Variants in GRID1 observed in about 807,000 individuals in gnomAD.
GRID1 encodes glutamate ionotropic receptor delta type subunit 1, also known as glutamate receptor ionotropic, delta-1.
In GRID1, 28 loss-of-function variants were observed where a neutral mutation model predicts 98.0. The ratio of observed to expected loss-of-function variants is 0.29; its 90% CI spans 0.21 to 0.39. The LOEUF (loss-of-function observed/expected upper bound fraction) is 0.39. GRID1 is among the 10% of genes least tolerant of loss of function. The pLI, the probability that GRID1 is intolerant of heterozygous loss-of-function variation, is 1.00. For synonymous variants in GRID1, 553 were observed against 538.5 expected (o/e 1.03, Z -0.37); for missense variants, 1,111 against 1,340.5 (o/e 0.83, Z 2.67).
rs1340062617 is a variant in GRID1 at position 85,994,656 on chromosome 10, G to A, written c.727-78417C>T. On this transcript the variant is annotated intron_variant, in intron 4 of 15. Coordinates refer to ENST00000327946, the MANE Select transcript of GRID1 (RefSeq NM_017551.3). The stretch of plus-strand genomic sequence containing the variant: ...TGTTAGATACTCAGCACGTGATTAC[G>A]CAGTTGTGGCAGTGGACAGAATGCT... 2.0e-5 allele frequency among the ~76,000 whole-genome samples: 3 copies of A among 152,168 alleles called. No homozygotes were observed. The East Asian group carries it at 5.8e-4, about 29-fold the overall frequency.
intron 2 of GRID1, among the ~76,000 whole-genome samples, chr10:86,339,132 GT>G (rs1411056771): frequency 3.3e-5 from 5 of 152,194 alleles, no homozygotes; most frequent in Non-Finnish European, 5.9e-5. Flanking sequence ...ACAGTGCCTG[GT>G]GCCTGGCCCA....
chr10:86,116,572 T>C (rs1242578692), intron 4 of GRID1, among the ~76,000 whole-genome samples: 1 of 152,202 alleles, frequency 6.6e-6, no homozygotes, highest in Non-Finnish European at 1.5e-5. Context: ...GGTAGACTTC[T>C]CTAGGGCTGA....
At chr10:85,903,952 T>C (rs957895819) in intron 5 of GRID1, among the ~76,000 whole-genome samples, 3 of 152,182 alleles carry the variant, frequency 2.0e-5, no homozygotes, top group African/African-American at 7.2e-5. Flanking sequence ...CCATTCCTTC[T>C]CCCAACAGAT....
chr10:86,209,695 A>G (rs1202940442), intron 2 of GRID1, among the ~76,000 whole-genome samples: 3 of 152,242 alleles, frequency 2.0e-5, no homozygotes, highest in Non-Finnish European at 4.4e-5. Context: ...AATAAACTGT[A>G]TATCCCTGGG....
intron 1 of GRID1, among the ~76,000 whole-genome samples, chr10:86,364,570 C>T (rs1226300907): frequency 6.6e-6 from 1 of 152,244 alleles, no homozygotes; most frequent in East Asian, 1.9e-4. Flanking sequence ...ATGCACGTCC[C>T]CTGCTGAGTG....
At chr10:85,809,876 C>G (rs1842655176) in intron 8 of GRID1, among the ~76,000 whole-genome samples, 1 of 152,166 alleles carries the variant, frequency 6.6e-6, no homozygotes, top group Non-Finnish European at 1.5e-5. Context: ...CCACTATAGC[C>G]CCCCTGTAGT....
chr10:85,763,692 T>C (rs2132701190), intron 8 of GRID1, among the ~76,000 whole-genome samples: 1 of 152,352 alleles, frequency 6.6e-6, no homozygotes, highest in East Asian at 1.9e-4. Context: ...TTTTAAGCAG[T>C]GTCCTCTGCA....
In GRID1 at chr10:86,218,894, C is replaced by T. The variant is rs1846212422; in HGVS notation, c.236-12246G>A. Among the ~76,000 whole-genome samples, 2 of 152,222 alleles carry T rather than the reference C, an allele frequency of 1.3e-5. 1 individual carries two copies. Among genetic ancestry groups the T allele is most frequent in the South Asian group, 4.1e-4 (2 of 4,834 alleles). On this transcript the variant is annotated intron_variant, in intron 2 of 15. Coordinates refer to ENST00000327946, the MANE Select transcript of GRID1 (RefSeq NM_017551.3). ...GGAGTGGGACCCCCAGCTCTGGATGCCTTGGAGCAGCAGGCAGCAACAGGA... is the reference window on the plus strand; with the variant it reads ...GGAGTGGGACCCCCAGCTCTGGATGTCTTGGAGCAGCAGGCAGCAACAGGA...
In GRID1 at chr10:86,140,560, C is replaced by A. The variant is rs1017538722; in HGVS notation, c.521-1536G>T. Among the ~76,000 whole-genome samples, 3 of 152,184 alleles carry A rather than the reference C, an allele frequency of 2.0e-5. 1 individual carries two copies. Among genetic ancestry groups the A allele is most frequent in the Non-Finnish European group, 4.4e-5 (3 of 68,044 alleles). ...TGTGACAGGAGCCATCATGGGGAAC[C>A]AAGCAGCGCGAGGGAGAAGAGCAGA... On this transcript the variant is annotated intron_variant, in intron 3 of 15. Coordinates refer to ENST00000327946, the MANE Select transcript of GRID1 (RefSeq NM_017551.3).
At chr10:86,108,468 T>C (rs1844427298) in intron 4 of GRID1, among the ~76,000 whole-genome samples, 1 of 152,204 alleles carries the variant, frequency 6.6e-6, no homozygotes, top group Non-Finnish European at 1.5e-5. Context: ...CCTCTGGGAC[T>C]GGAAACTTCC....
rs1199581695 is a variant in GRID1, at chr10:86,225,514, G to A, written c.236-18866C>T. Among the ~76,000 whole-genome samples, 3 of 152,190 alleles carry A rather than the reference G, an allele frequency of 2.0e-5. No individual in the cohort carries two copies. In the East Asian group the frequency reaches 5.8e-4, roughly 29 times the overall value. On this transcript the variant is annotated intron_variant, in intron 2 of 15. Transcript: ENST00000327946. ...AGCGTGTATTTCTGCAGGGAAGGAG[G>A]CCCAGTGGCTGGATGTCGGCCTGGA...
At chr10:85,782,720 T>C (rs1030115795) in intron 8 of GRID1, among the ~76,000 whole-genome samples, 1 of 152,150 alleles carries the variant, frequency 6.6e-6, no homozygotes, top group Non-Finnish European at 1.5e-5. Context: ...CTGGTGGGCA[T>C]AAAATGAGTG....
At chr10:86,022,437 G>A (rs960290741) in intron 4 of GRID1, among the ~76,000 whole-genome samples, 2 of 152,082 alleles carry the variant, frequency 1.3e-5, no homozygotes, top group South Asian at 2.1e-4. Flanking sequence ...CACAGGGTGA[G>A]GCCAGGGAGG....
At chr10:86,331,564 A>G (rs1848143020) in intron 2 of GRID1, among the ~76,000 whole-genome samples, 1 of 152,200 alleles carries the variant, frequency 6.6e-6, no homozygotes, top group Admixed American at 6.5e-5. Flanking sequence ...AGTGCCCTCC[A>G]CTGGACAGGG....
Position 85,915,332 on chromosome 10 carries a change from G to A in GRID1, c.780+854C>T, listed in dbSNP as rs573025141. Among the ~76,000 whole-genome samples, 21 of 151,760 alleles carry A rather than the reference G, an allele frequency of 1.4e-4. No individual in the cohort carries two copies. In the South Asian group the frequency reaches 4.0e-3, roughly 29 times the overall value. On this transcript the variant is annotated intron_variant, in intron 5 of 15. Coordinates refer to ENST00000327946, the MANE Select transcript of GRID1 (RefSeq NM_017551.3). ...CAAACATATACATACACAAACTCAC[G>A]TATACACACTCATGCACACACACTC... is the stretch of plus-strand genomic sequence containing the variant.
At chr10:86,149,497 C>T (rs189773727) in intron 3 of GRID1, among the ~76,000 whole-genome samples, 2 of 152,304 alleles carry the variant, frequency 1.3e-5, no homozygotes, top group East Asian at 3.9e-4. Context: ...TGGAAGGCTT[C>T]GGCTAATCCC....
intron 12 of GRID1, among the ~76,000 whole-genome samples, chr10:85,697,165 A>G (rs1207725444): frequency 2.0e-5 from 3 of 152,180 alleles, no homozygotes; most frequent in African/African-American, 7.2e-5. Flanking sequence ...GTACAGATTT[A>G]TAAAGCCTTA....
At chr10:86,330,278 C>G (rs771719476) in intron 2 of GRID1, among the ~76,000 whole-genome samples, 2 of 152,150 alleles carry the variant, frequency 1.3e-5, no homozygotes, top group Admixed American at 6.5e-5. Context: ...ACCTTCTTAC[C>G]AGCCTTCCTT....
intron 4 of GRID1, among the ~76,000 whole-genome samples, chr10:86,053,742 G>A (rs1843535706): frequency 1.3e-5 from 2 of 152,190 alleles, no homozygotes; most frequent in African/African-American, 4.8e-5. Flanking sequence ...GGGCAAGAGA[G>A]ACAGGGAAAG....
Sources: allele counts gnomAD v4.1 joint callset (sites outside exome capture counted in the v4.1 genomes callset), GRCh38; gene constraint gnomAD v4.1.1; transcripts MANE v1.5; gene names NCBI Gene and HGNC (gene_info 2026-07-23, HGNC 2026-07-21).